The following GALNT18 variants were observed in gnomAD, a reference collection of about 807,000 sequenced individuals.
GALNT18 encodes the protein GalNAc-transferase 18.
A neutral mutation model predicts 69.5 loss-of-function variants in GALNT18; 44 were observed. The ratio of observed to expected loss-of-function variants is 0.63; its 90% CI spans 0.50 to 0.81. The LOEUF (loss-of-function observed/expected upper bound fraction) is 0.81. GALNT18 is among the 40% of genes least tolerant of loss of function. GALNT18 has a pLI of 0.00. For synonymous variants in GALNT18, 364 were observed against 318.2 expected (o/e 1.14, Z -1.53); for missense variants, 715 against 810.0 (o/e 0.88, Z 1.42).
In GALNT18 at chr11:11,387,537, C is replaced by G. The variant is rs1854085961; in HGVS notation, c.596-8273G>C. Among the ~76,000 whole-genome samples the G allele has an allele frequency of 6.6e-6, 1 of 152,202 alleles. No individual in the cohort carries two copies. Among genetic ancestry groups the G allele is most frequent in the Non-Finnish European group, 1.5e-5 (1 of 68,044 alleles). ...TTTAAAGATTAAAAGTGTGTTTATT[C>G]CTTTCCAAGTGAAAAGTGGCTTGTC... On this transcript the variant is annotated intron_variant, in intron 3 of 10. Coordinates refer to ENST00000227756, the MANE Select transcript of GALNT18 (RefSeq NM_198516.3). This position sits in a 1 kb window ranked among gnomAD's most constrained non-coding sequence, Gnocchi z 4.6.
At chr11:11,319,220 T>C (rs1431766079) in intron 9 of GALNT18, among the ~76,000 whole-genome samples, 1 of 152,208 alleles carries the variant, frequency 6.6e-6, no homozygotes, top group Non-Finnish European at 1.5e-5. Context: ...CTTGCCCTTC[T>C]TACACCTTCA....
rs1427899919 is a variant in GALNT18 at position 11,603,547 on chromosome 11, A to G, written c.235+17812T>C. ...CATCAGAGCAACATACCCTCCCTGG[A>G]AATATGCATCTGCCTAATTGCTTGA... On this transcript the variant is annotated intron_variant, in intron 1 of 10. Transcript: ENST00000227756. This position sits in a 1 kb window ranked among gnomAD's most constrained non-coding sequence, Gnocchi z 4.5. Among the ~76,000 whole-genome samples, 1 of 152,174 alleles carries G rather than the reference A, an allele frequency of 6.6e-6. No homozygotes were observed. Among genetic ancestry groups the G allele is most frequent in the Non-Finnish European group, 1.5e-5 (1 of 68,028 alleles).
At chr11:11,371,602 C>A (rs2133674236) in intron 6 of GALNT18, among the ~76,000 whole-genome samples, 1 of 152,206 alleles carries the variant, frequency 6.6e-6, no homozygotes, top group South Asian at 2.1e-4. Flanking sequence ...TGGCTGGCTG[C>A]TGAGGGTTCC....
intron 3 of GALNT18, among the ~76,000 whole-genome samples, chr11:11,381,938 T>A (rs1853931624): frequency 1.3e-5 from 2 of 152,234 alleles, no homozygotes; most frequent in East Asian, 1.9e-4. Context: ...ACATTTTCTA[T>A]TGTTCTGGTC....
rs1046127550 is a variant in GALNT18, at chr11:11,439,903, G to A, written c.429-7116C>T. Among the ~76,000 whole-genome samples, 1 of 152,176 alleles carries A rather than the reference G, an allele frequency of 6.6e-6. No individual in the cohort carries two copies. The highest frequency in any genetic ancestry group is 1.5e-5 in the Non-Finnish European group (1 of 68,038). ...GAACAGGATGATGGAGGCAGGGTGG[G>A]GATACTAAATATATCCAGGACTTCA... is the stretch of plus-strand genomic sequence containing the variant. On this transcript the variant is annotated intron_variant, in intron 2 of 10. Transcript: ENST00000227756. The surrounding 1 kb of genome is among the most constrained non-coding windows in gnomAD (Gnocchi z 4.4).
intron 3 of GALNT18, among the ~76,000 whole-genome samples, chr11:11,395,824 T>C (rs372918111): frequency 1.3e-5 from 2 of 152,110 alleles, no homozygotes; most frequent in Admixed American, 6.5e-5. Context: ...GAGAGCAGGC[T>C]CTGAAACGCT....
intron 6 of GALNT18, among the ~76,000 whole-genome samples, chr11:11,342,422 A>G (rs1038184621): frequency 1.1e-4 from 16 of 152,214 alleles, no homozygotes; most frequent in African/African-American, 3.9e-4. Context: ...TCAGATATAT[A>G]ACATGTACCC....
rs993558075 is a variant in GALNT18, at chr11:11,379,182, G to A, written c.678C>T (p.Ser226=). The change falls in exon 4 of 11, where the codon AGC becomes AGT. Residue 226 remains serine (S), a synonymous_variant. Transcript: ENST00000227756. ...TGGAGCGGATGAGGCCTTCCTGCTT[G>A]CTGTGACGCACGACTTTGATGAAGC... ...KPGFIKVVRH[S]KQEGLIRSRV... is the part of the protein sequence containing the mutation. The A allele has an allele frequency of 6.2e-7, 1 of 1,612,648 alleles. No homozygotes were observed.
At chr11:11,576,875 T>G (rs77237111) in intron 1 of GALNT18, among the ~76,000 whole-genome samples, 1 of 152,250 alleles carries the variant, frequency 6.6e-6, no homozygotes, top group Non-Finnish European at 1.5e-5. Flanking sequence ...GCCAGTTTCA[T>G]GGTGTGAACG....
chr11:11,363,766 T>C (rs369261451), intron 6 of GALNT18, among the ~76,000 whole-genome samples: 3 of 152,220 alleles, frequency 2.0e-5, no homozygotes, highest in South Asian at 4.2e-4. Context: ...AGTGCCCAGA[T>C]TGTGGTTTTA....
At chr11:11,440,438 C>T (rs1036582687) in intron 2 of GALNT18, among the ~76,000 whole-genome samples, 2 of 151,618 alleles carry the variant, frequency 1.3e-5, no homozygotes, top group African/African-American at 4.8e-5. Context: ...GAAGGTGGGG[C>T]AGGGCAGATC....
intron 3 of GALNT18, among the ~76,000 whole-genome samples, chr11:11,400,623 C>A (rs765538952): frequency 2.0e-4 from 30 of 152,168 alleles, no homozygotes; most frequent in Non-Finnish European, 3.5e-4. Context: ...CTGGTGAGGG[C>A]ACTCTTCCTG....
At chr11:11,458,835 G>A (rs1020180724) in intron 1 of GALNT18, among the ~76,000 whole-genome samples, 1 of 152,182 alleles carries the variant, frequency 6.6e-6, no homozygotes, top group African/African-American at 2.4e-5. Context: ...TTTGTGCCTG[G>A]TCCCAGCCAA....
chr11:11,313,647 G>A (rs11021788), intron 9 of GALNT18, among the ~76,000 whole-genome samples: 13,628 of 152,228 alleles, frequency 0.09, 780 homozygotes, highest in Non-Finnish European at 0.13. Flanking sequence ...GGGAGACAGT[G>A]CTGAGTCATG....
At chr11:11,565,934 A>G (rs1033773965) in intron 1 of GALNT18, among the ~76,000 whole-genome samples, 1 of 152,216 alleles carries the variant, frequency 6.6e-6, no homozygotes, top group African/African-American at 2.4e-5. Flanking sequence ...AAACCGCAGG[A>G]ACAAAGAACA....
chr11:11,501,314 C>T (rs1856968179), intron 1 of GALNT18, among the ~76,000 whole-genome samples: 1 of 152,094 alleles, frequency 6.6e-6, no homozygotes, highest in Admixed American at 6.5e-5. Flanking sequence ...ACCAAGACAT[C>T]GATGGGAATG....
At chr11:11,378,355 G>A (rs1853825155) in intron 4 of GALNT18, among the ~76,000 whole-genome samples, 1 of 152,186 alleles carries the variant, frequency 6.6e-6, no homozygotes, top group African/African-American at 2.4e-5. Context: ...ACTTGCCCCA[G>A]CTACTTATGG....
chr11:11,484,593 C>CAAAAAAAAAAAAAAAAAAAAAAAAAAAA, intron 1 of GALNT18, among the ~76,000 whole-genome samples: 1 of 83,066 alleles, frequency 1.2e-5, no homozygotes, highest in Non-Finnish European at 2.2e-5. Flanking sequence ...AACTCCATCT[C>CAAAAAAAAAAAAAAAAAAAAAAAAAAAA]AAAAAAAAAA....
rs549543908 is a variant in GALNT18 at position 11,505,061 on chromosome 11, T to A, written c.236-56125A>T. On this transcript the variant is annotated intron_variant, in intron 1 of 10. Coordinates refer to ENST00000227756, the MANE Select transcript of GALNT18 (RefSeq NM_198516.3). This position sits in a 1 kb window ranked among gnomAD's most constrained non-coding sequence, Gnocchi z 4.6. The stretch of plus-strand genomic sequence containing the variant: ...GAACCCAGATATGTACAAAGTGCCA[T>A]GGGAACATAGGAAAAGGAGCAAAGT... Among the ~76,000 whole-genome samples the A allele has an allele frequency of 6.6e-6, 1 of 152,154 alleles. No individual in the cohort carries two copies. Among genetic ancestry groups the A allele is most frequent in the Non-Finnish European group, 1.5e-5 (1 of 68,022 alleles).
Sources: gnomAD v4.1 joint callset for allele counts (sites outside exome capture counted in the v4.1 genomes callset) on GRCh38, gnomAD v4.1.1 for gene constraint, Gnocchi (gnomAD v3.1) non-coding constraint, MANE v1.5 for transcripts, NCBI Gene and HGNC (gene_info 2026-07-23, HGNC 2026-07-21) for gene names.